Variants in CCDC171 observed in about 807,000 individuals in gnomAD.
The protein encoded by CCDC171 is coiled-coil domain containing 171, also known as coiled-coil domain-containing protein 171.
CCDC171 carries 177 observed loss-of-function variants against 168.2 expected under a neutral mutation model. The observed-to-expected ratio is 1.05, with a 90% confidence interval of 0.93 to 1.19. The LOEUF is 1.19. Ranked by LOEUF, CCDC171 falls within the 50% of genes most tolerant of loss-of-function variation. The pLI, the probability that CCDC171 is intolerant of heterozygous loss-of-function variation, is 0.00. For missense variants in CCDC171, 1,991 were observed against 1,539.0 expected (o/e 1.29, Z -4.91); for synonymous variants, 687 against 540.8 (o/e 1.27, Z -3.75).
Position 15,947,813 on chromosome 9 carries a change from T to A in CCDC171, c.3754-23796T>A, listed in dbSNP as rs186028347. ...TACAAGTATGCTTCCATATTTTTTT[T>A]AATTTTTTTATTTTTTTTTAATTTA... is the stretch of plus-strand genomic sequence containing the variant. On this transcript the variant is annotated intron_variant, in intron 25 of 25. Transcript: ENST00000380701. 9.3e-4 allele frequency among the ~76,000 whole-genome samples: 140 copies of A among 151,048 alleles called. 1 individual carries two copies. Among genetic ancestry groups the A allele is most frequent in the African/African-American group, 3.2e-3 (132 of 40,952 alleles).
intron 7 of CCDC171, among the ~76,000 whole-genome samples, chr9:15,632,782 C>G (rs573982529): frequency 1.3e-5 from 2 of 152,242 alleles, no homozygotes; most frequent in East Asian, 3.9e-4. Context: ...TACTACAAGG[C>G]TACAGTAACC....
At chr9:15,703,362 T>G (rs1262163400) in intron 11 of CCDC171, among the ~76,000 whole-genome samples, 2 of 152,206 alleles carry the variant, frequency 1.3e-5, no homozygotes, top group African/African-American at 4.8e-5. Context: ...ACTAGAAACC[T>G]TCTAGAAAGG....
intron 6 of CCDC171, among the ~76,000 whole-genome samples, chr9:15,608,243 T>TC (rs2043366971): frequency 6.6e-6 from 1 of 152,212 alleles, no homozygotes; most frequent in African/African-American, 2.4e-5. Context: ...CATGGGGGAT[T>TC]ACATTTCAAC....
chr9:15,800,091 C>G (rs1046438999), intron 21 of CCDC171, among the ~76,000 whole-genome samples: 1 of 152,094 alleles, frequency 6.6e-6, no homozygotes, highest in African/African-American at 2.4e-5. Flanking sequence ...GTGCAGATAT[C>G]TCTTCAATAT....
chr9:15,654,863 T>C (rs1465662252), intron 7 of CCDC171, among the ~76,000 whole-genome samples: 2 of 152,076 alleles, frequency 1.3e-5, no homozygotes, highest in African/African-American at 4.8e-5. Flanking sequence ...TATGAACAGA[T>C]GAGTTCATGT....
At chr9:16,052,400 G>A (rs1484942787) in intron 1 of CCDC171, among the ~76,000 whole-genome samples, 2 of 152,134 alleles carry the variant, frequency 1.3e-5, no homozygotes, top group African/African-American at 4.8e-5. Flanking sequence ...TGTCATGAAC[G>A]AGTGACAGCA....
At chr9:15,595,063 A>G (rs903529346) in intron 6 of CCDC171, among the ~76,000 whole-genome samples, 3 of 152,228 alleles carry the variant, frequency 2.0e-5, no homozygotes, top group Non-Finnish European at 2.9e-5. Flanking sequence ...ATCCACATAT[A>G]ATACATTTTG....
rs199762863 is a variant in CCDC171 at position 15,695,200 on chromosome 9, G to A, written c.1216-35G>A. ...TAAAAATATGCAGCTCTTATAATAC[G>A]TGACCTTATGTGTAATTTTTTTCTT... is the stretch of plus-strand genomic sequence containing the variant. On this transcript the variant is annotated intron_variant, in intron 10 of 25. Transcript: ENST00000380701. The A allele has an allele frequency of 3.9e-5, 54 of 1,393,628 alleles. No individual in the cohort carries two copies. The African/African-American group carries it at 4.7e-4, about 12-fold the overall frequency. The allele number at this position is 1,393,628 out of a possible 1,614,324, so 86.3% of individuals were successfully genotyped here. A position where few individuals can be genotyped will look rare whatever the true frequency, so the allele number is the denominator to read the frequency against.
At chr9:15,963,690 C>T (rs1441234261) in intron 25 of CCDC171, among the ~76,000 whole-genome samples, 5 of 152,094 alleles carry the variant, frequency 3.3e-5, no homozygotes, top group South Asian at 2.1e-4. Flanking sequence ...AGCACCTTTT[C>T]GTATGTTTTT....
chr9:15,935,817 A>G (rs1409750372), intron 25 of CCDC171, among the ~76,000 whole-genome samples: 1 of 152,120 alleles, frequency 6.6e-6, no homozygotes, highest in African/African-American at 2.4e-5. Context: ...TAATTTGATT[A>G]AAATGTTGCC....
intron 6 of CCDC171, among the ~76,000 whole-genome samples, chr9:15,605,189 A>G (rs543843904): frequency 6.6e-6 from 1 of 152,142 alleles, no homozygotes; most frequent in South Asian, 2.1e-4. Flanking sequence ...GAGCCACCAC[A>G]CCTGGCTTAT....
intron 22 of CCDC171, among the ~76,000 whole-genome samples, chr9:15,847,304 A>C (rs1393412452): frequency 5.3e-5 from 8 of 152,130 alleles, no homozygotes; most frequent in Admixed American, 5.2e-4. Context: ...GTATCATAGC[A>C]TTTAAAAAAT....
intron 7 of CCDC171, among the ~76,000 whole-genome samples, chr9:15,630,353 A>C (rs1450703066): frequency 6.6e-6 from 1 of 152,156 alleles, no homozygotes. Context: ...AATGGAAAAT[A>C]AAAAAAGGCA....
chr9:16,059,505 C>CTTTTTTTTTTT (rs869212886), intron 1 of CCDC171, among the ~76,000 whole-genome samples: 6 of 101,422 alleles, frequency 5.9e-5, no homozygotes, highest in African/African-American at 8.5e-5. Context: ...TTTTTTTTTT[C>CTTTTTTTTTTT]TTTTTTTTTT....
chr9:15,769,662 AC>A (rs762621581), intron 18 of CCDC171, among the ~76,000 whole-genome samples: 2 of 152,230 alleles, frequency 1.3e-5, no homozygotes, highest in Non-Finnish European at 2.9e-5. Context: ...GTCATCACTT[AC>A]ATGGCAAGTC....
the CCDC171 span, among the ~76,000 whole-genome samples, chr9:16,074,933 C>G: frequency 6.6e-6 from 1 of 152,168 alleles, no homozygotes; most frequent in Non-Finnish European, 1.5e-5. Flanking sequence ...ACAAAAGTGA[C>G]TAAATCATTT....
chr9:15,799,393 CTTTG>C (rs1420370613), intron 21 of CCDC171, among the ~76,000 whole-genome samples: 2 of 151,044 alleles, frequency 1.3e-5, no homozygotes, highest in Non-Finnish European at 3.0e-5. Flanking sequence ...TTCATTTTAC[CTTTG>C]TTTGTCTCTA....
At chr9:15,835,683 T>C (rs1427736577) in intron 21 of CCDC171, among the ~76,000 whole-genome samples, 1 of 152,204 alleles carries the variant, frequency 6.6e-6, no homozygotes, top group African/African-American at 2.4e-5. Context: ...TGCCTTGGCC[T>C]CCCAAGGTGC....
At chr9:16,055,833 A>G (rs1213823704) in intron 1 of CCDC171, among the ~76,000 whole-genome samples, 1 of 152,260 alleles carries the variant, frequency 6.6e-6, no homozygotes, top group East Asian at 1.9e-4. Context: ...TATGTTAGGA[A>G]CTATTGCAGA....
Sources: allele counts gnomAD v4.1 joint callset (sites outside exome capture counted in the v4.1 genomes callset), GRCh38; gene constraint gnomAD v4.1.1; transcripts MANE v1.5; gene names NCBI Gene and HGNC (gene_info 2026-07-23, HGNC 2026-07-21).